Variants in MTHFD1L observed in about 807,000 individuals in gnomAD.
The protein encoded by MTHFD1L is monofunctional C1-tetrahydrofolate synthase, mitochondrial.
Under a neutral mutation model 119.5 loss-of-function variants are expected in MTHFD1L, and 81 were observed. The observed-to-expected ratio is 0.68, with a 90% CI of 0.57 to 0.82. The LOEUF is 0.82. Among genes scored for constraint, MTHFD1L ranks in the 40% least tolerant of loss-of-function variants. The probability of loss-of-function intolerance (pLI) is 0.00; values close to 1 mark genes in which losing one functional copy is unlikely to be tolerated. For synonymous variants in MTHFD1L, 430 were observed against 475.2 expected (o/e 0.90, Z 1.24); for missense variants, 1,125 against 1,253.4 (o/e 0.90, Z 1.55).
At chr6:150,928,031 T>G (rs1246624105) in intron 11 of MTHFD1L, among the ~76,000 whole-genome samples, 1 of 152,230 alleles carries the variant, frequency 6.6e-6, no homozygotes, top group African/African-American at 2.4e-5. Context: ...TTTAAACTGC[T>G]AGAATTAACA....
At chr6:151,083,432 G>A (rs1190743470) in intron 26 of MTHFD1L, among the ~76,000 whole-genome samples, 2 of 152,164 alleles carry the variant, frequency 1.3e-5, no homozygotes, top group Non-Finnish European at 2.9e-5. Flanking sequence ...TCTTGACCTC[G>A]TGATCTGCCC....
At chr6:150,990,736 A>G (rs1419078105) in intron 20 of MTHFD1L, among the ~76,000 whole-genome samples, 1 of 152,222 alleles carries the variant, frequency 6.6e-6, no homozygotes, top group Non-Finnish European at 1.5e-5. Flanking sequence ...TGCTGGGATT[A>G]CAGGCATGAG....
chr6:150,960,123 C>A (rs1425142714), intron 17 of MTHFD1L, 152 bp from the exon 18 acceptor site: 2 of 1,068,656 alleles, frequency 1.9e-6, no homozygotes, highest in Non-Finnish European at 2.6e-6. Flanking sequence ...ATGGTCCAGA[C>A]ACGCAGAAAA....
At chr6:151,010,899 G>A (rs368009983) in intron 21 of MTHFD1L, among the ~76,000 whole-genome samples, 1 of 152,204 alleles carries the variant, frequency 6.6e-6, no homozygotes, top group South Asian at 2.1e-4. Context: ...GTCAAAACAA[G>A]TAGCAGGTTT....
At chr6:150,942,274 A>C (rs113806103) in intron 13 of MTHFD1L, among the ~76,000 whole-genome samples, 62 of 152,344 alleles carry the variant, frequency 4.1e-4, no homozygotes, top group African/African-American at 1.3e-3. Context: ...TAAATAAATA[A>C]ATAAAAATAA....
chr6:150,890,553 C>G (rs183319491), intron 7 of MTHFD1L, among the ~76,000 whole-genome samples: 1 of 152,134 alleles, frequency 6.6e-6, no homozygotes, highest in Non-Finnish European at 1.5e-5. Flanking sequence ...CTGAGTCACG[C>G]GCACCAAATA....
intron 26 of MTHFD1L, among the ~76,000 whole-genome samples, chr6:151,089,360 G>A (rs202195994): frequency 6.6e-6 from 1 of 152,206 alleles, no homozygotes; most frequent in Admixed American, 6.5e-5. Context: ...CCAGCACTTT[G>A]GGAGGCTGAG....
At chr6:150,907,417 C>A (rs1786111860) in intron 8 of MTHFD1L, among the ~76,000 whole-genome samples, 1 of 152,084 alleles carries the variant, frequency 6.6e-6, no homozygotes, top group African/African-American at 2.4e-5. Flanking sequence ...CTCGACTGAC[C>A]ATGGGGTTAT....
chr6:150,866,252 G>T, intron 1 of MTHFD1L: 4 of 1,431,348 alleles, frequency 2.8e-6, no homozygotes, highest in Non-Finnish European at 3.7e-6. Flanking sequence ...GGGGGATCCA[G>T]TACCCGACCG....
chr6:150,885,202 T>G (rs1375256821), intron 5 of MTHFD1L, among the ~76,000 whole-genome samples: 2 of 149,132 alleles, frequency 1.3e-5, no homozygotes, highest in Non-Finnish European at 3.0e-5. Context: ...TTTATGGGTT[T>G]TTTTTTTTTT....
Position 151,014,945 on chromosome 6 carries a change from T to C in MTHFD1L, c.2373T>C (p.Phe791=), listed in dbSNP as rs1278308889. The C allele has an allele frequency of 1.9e-6, 3 of 1,614,134 alleles. No individual in the cohort carries two copies. Among genetic ancestry groups the C allele is most frequent in the Non-Finnish European group, 1.7e-6 (2 of 1,180,016 alleles). Residue 791 remains phenylalanine (F), a synonymous_variant, in exon 23 of 28, where the codon TTT becomes TTC. Coordinates refer to ENST00000367321, the MANE Select transcript of MTHFD1L (RefSeq NM_015440.5). ...AGCAAATTCAGATCACTCAGCTCTT[T>C]GGGGTTCCCGTTGTGGTGGCTCTGA... is the stretch of plus-strand genomic sequence containing the variant. ...LQKQIQITQL[F]GVPVVVALNV...
intron 24 of MTHFD1L, among the ~76,000 whole-genome samples, chr6:151,018,070 G>T (rs546896527): frequency 3.3e-5 from 5 of 152,130 alleles, no homozygotes; most frequent in Non-Finnish European, 7.4e-5. Context: ...TCCTCAGATC[G>T]TCTGTCTTTG....
chr6:151,087,192 T>C (rs1168050032), intron 26 of MTHFD1L, among the ~76,000 whole-genome samples: 1 of 151,940 alleles, frequency 6.6e-6, no homozygotes, highest in Admixed American at 6.6e-5. Context: ...GAGGCTGCAG[T>C]GAGCTGAGAT....
chr6:151,001,044 C>T (rs551430749), intron 20 of MTHFD1L, among the ~76,000 whole-genome samples: 1 of 152,174 alleles, frequency 6.6e-6, no homozygotes, highest in South Asian at 2.1e-4. Flanking sequence ...AGATACGCCC[C>T]GTGCGCTCAT....
At position 151,026,339 on chromosome 6, in the gene MTHFD1L, C is replaced by T. The variant is rs993209358; in HGVS notation, c.2587-8154C>T. ...GCGAGAGACTGTGCCACCAATATAA[C>T]CACTGGTCACAGTTATTTTCTAGAG... is the stretch of plus-strand genomic sequence containing the variant. On this transcript the variant is annotated intron_variant, in intron 24 of 27. Coordinates refer to ENST00000367321, the MANE Select transcript of MTHFD1L (RefSeq NM_015440.5). 2.0e-5 allele frequency among the ~76,000 whole-genome samples: 3 copies of T among 152,232 alleles called. No individual in the cohort carries two copies. The East Asian group carries it at 5.8e-4, about 29-fold the overall frequency.
chr6:150,970,732 ATTTT>A (rs1272681879), intron 19 of MTHFD1L, among the ~76,000 whole-genome samples: 3 of 152,306 alleles, frequency 2.0e-5, no homozygotes, highest in Non-Finnish European at 4.4e-5. Context: ...TAGTCATAGA[ATTTT>A]TTAAGCAACA....
intron 19 of MTHFD1L, among the ~76,000 whole-genome samples, chr6:150,965,600 G>A (rs1317591377): frequency 1.3e-5 from 2 of 151,580 alleles, no homozygotes; most frequent in Non-Finnish European, 2.9e-5. Flanking sequence ...GGCAGAGGTT[G>A]CAGTGAGCTG....
chr6:150,919,223 G>C (rs150461995), intron 9 of MTHFD1L, among the ~76,000 whole-genome samples: 1 of 151,606 alleles, frequency 6.6e-6, no homozygotes, highest in Non-Finnish European at 1.5e-5. Context: ...ATTGGCTCAC[G>C]GTTCTTTTTT....
At chr6:150,906,208 C>G (rs1417786243) in intron 8 of MTHFD1L, among the ~76,000 whole-genome samples, 1 of 152,224 alleles carries the variant, frequency 6.6e-6, no homozygotes, top group Non-Finnish European at 1.5e-5. Flanking sequence ...TTTCCTCTTG[C>G]ATTGACCCAT....
Sources: gnomAD v4.1 joint callset for allele counts (sites outside exome capture counted in the v4.1 genomes callset) on GRCh38, gnomAD v4.1.1 for gene constraint, MANE v1.5 for transcripts, NCBI Gene and HGNC (gene_info 2026-07-23, HGNC 2026-07-21) for gene names.